SASH1: variants seen among roughly 807,000 people sequenced by gnomAD.
SASH1 encodes SAM and SH3 domain-containing protein 1.
A neutral mutation model predicts 125.2 loss-of-function variants in SASH1; 44 were observed. The ratio of observed to expected loss-of-function variants is 0.35; its 90% CI spans 0.28 to 0.45. SASH1 has a LOEUF of 0.45. Ranked by LOEUF, SASH1 falls within the 20% of genes least tolerant of loss-of-function variation. SASH1 has a pLI of 1.00. For synonymous variants in SASH1, 639 were observed against 649.1 expected, an observed-to-expected ratio of 0.98 and a Z score of 0.24; for missense variants, 1,426 against 1,614.5, an observed-to-expected ratio of 0.88 and a Z score of 2.00.
Position 148,544,678 on chromosome 6 carries a change from C to T in SASH1, c.3208C>T (p.Leu1070Phe), listed in dbSNP as rs201943651. ...WLSELPENTS[L>F]QEHGVKLGPA... ...CTCAGAGCTCCCCGAGAACACAAGC[C>T]TCCAGGAGCACGGTGTGAAGCTGGG... Residue 1070 changes from leucine (L) to phenylalanine (F), a missense_variant, in exon 18 of 20, where the codon CTC (leucine) becomes TTC (phenylalanine). Coordinates refer to ENST00000367467, the MANE Select transcript of SASH1 (RefSeq NM_015278.5). The surrounding 1 kb of genome is among the most constrained non-coding windows in gnomAD (Gnocchi z 6.4). 2.6e-4 allele frequency: 425 copies of T among 1,613,390 alleles called. 1 individual carries two copies. Among genetic ancestry groups the T allele is most frequent in the Admixed American group, 1.4e-3 (81 of 59,946 alleles).
the SASH1 span, among the ~76,000 whole-genome samples, chr6:148,244,908 G>GTGTGTGTGTGTGTGTGTGTGTA: frequency 7.3e-6 from 1 of 137,474 alleles, no homozygotes; most frequent in African/African-American, 2.8e-5. Context: ...TGGGGCATGT[G>GTGTGTGTGTGTGTGTGTGTGTA]TGTGTGTGTG....
chr6:148,537,484 A>G (rs2115426941), intron 16 of SASH1, among the ~76,000 whole-genome samples: 2 of 152,366 alleles, frequency 1.3e-5, no homozygotes, highest in South Asian at 4.1e-4. Context: ...AGTATAAACA[A>G]TAACTTGTAT....
chr6:148,358,644 A>G (rs1396505262), intron 1 of SASH1, among the ~76,000 whole-genome samples: 3 of 150,736 alleles, frequency 2.0e-5, no homozygotes, highest in African/African-American at 7.3e-5. Context: ...AGAAGTGATT[A>G]CCTTTATTGT....
At chr6:148,323,923 G>A (rs117116959) in intron 1 of SASH1, among the ~76,000 whole-genome samples, 11,745 of 151,856 alleles carry the variant, frequency 0.077, 698 homozygotes, top group East Asian at 0.31. Context: ...TCAGGAGATC[G>A]AGACTATGCT....
chr6:148,466,548 G>C (rs1195802838), intron 4 of SASH1, among the ~76,000 whole-genome samples: 4 of 152,194 alleles, frequency 2.6e-5, no homozygotes, highest in Non-Finnish European at 5.9e-5. Flanking sequence ...CACTTTAGGT[G>C]ATTAGGATAT....
intron 1 of SASH1, among the ~76,000 whole-genome samples, chr6:148,387,285 T>G (rs994038443): frequency 2.6e-5 from 4 of 151,574 alleles, no homozygotes; most frequent in African/African-American, 9.7e-5. Flanking sequence ...GCCCAGCTAA[T>G]TTTTTTGTAT....
chr6:148,194,529 C>T, the SASH1 span, among the ~76,000 whole-genome samples: 1 of 152,170 alleles, frequency 6.6e-6, no homozygotes, highest in Non-Finnish European at 1.5e-5. Context: ...GCAGTATGAC[C>T]TATACTACCA....
chr6:148,513,014 C>T (rs898943909), intron 8 of SASH1: 8 of 985,096 alleles, frequency 8.1e-6, no homozygotes, highest in East Asian at 2.3e-4. Context: ...TACTAATGTT[C>T]GTGCCATAGT....
the SASH1 span, among the ~76,000 whole-genome samples, chr6:148,249,652 T>C: frequency 6.6e-6 from 1 of 152,234 alleles, no homozygotes; most frequent in Non-Finnish European, 1.5e-5. Flanking sequence ...CTCCAGGTCA[T>C]GTCTGAGAAA....
the SASH1 span, among the ~76,000 whole-genome samples, chr6:148,235,225 G>A: frequency 5.9e-5 from 9 of 152,174 alleles, no homozygotes; most frequent in Non-Finnish European, 1.2e-4. Flanking sequence ...TGGTGGAGGT[G>A]GATGGGGGTT....
At chr6:148,463,218 C>T (rs1777694542) in intron 4 of SASH1, among the ~76,000 whole-genome samples, 1 of 151,676 alleles carries the variant, frequency 6.6e-6, no homozygotes, top group Non-Finnish European at 1.5e-5. Context: ...AATCTCGGCT[C>T]ACCGCAACCT....
At chr6:148,320,636 G>A (rs933984400) in intron 1 of SASH1, among the ~76,000 whole-genome samples, 3 of 152,218 alleles carry the variant, frequency 2.0e-5, no homozygotes, top group Non-Finnish European at 4.4e-5. Context: ...CCTACAAGGT[G>A]GAAAGTGTTT....
intron 8 of SASH1, among the ~76,000 whole-genome samples, chr6:148,490,097 T>A (rs116777429): frequency 0.051 from 7,725 of 151,286 alleles, 278 homozygotes; most frequent in African/African-American, 0.092. Context: ...TTTAACTTTT[T>A]CCTTTCCATC....
intron 2 of SASH1, among the ~76,000 whole-genome samples, chr6:148,402,706 C>A (rs1473106368): frequency 6.6e-6 from 1 of 151,966 alleles, no homozygotes; most frequent in African/African-American, 2.4e-5. Flanking sequence ...GCTCCGCCTC[C>A]CGGGTTCACA....
chr6:148,474,795 C>T (rs1303658066), intron 7 of SASH1, among the ~76,000 whole-genome samples: 1 of 152,124 alleles, frequency 6.6e-6, no homozygotes, highest in African/African-American at 2.4e-5. Flanking sequence ...TGGTCTCAAA[C>T]CCGTGGGCTC....
intron 8 of SASH1, among the ~76,000 whole-genome samples, chr6:148,512,175 C>T (rs1427933772): frequency 8.5e-5 from 13 of 152,060 alleles, no homozygotes; most frequent in African/African-American, 1.2e-4. Context: ...CCCGCCACCA[C>T]GCCCAGCTAA....
At chr6:148,397,590 A>G (rs1409302723) in intron 2 of SASH1, among the ~76,000 whole-genome samples, 1 of 152,208 alleles carries the variant, frequency 6.6e-6, no homozygotes, top group African/African-American at 2.4e-5. Context: ...GCAGCCCAGC[A>G]TGATAGAGAA....
At chr6:148,510,995 CAA>C (rs5880785) in intron 8 of SASH1, among the ~76,000 whole-genome samples, 36,089 of 115,528 alleles carry the variant, frequency 0.31, 4,684 homozygotes, top group Middle Eastern at 0.43. Flanking sequence ...GACTCCATCT[CAA>C]AAAAAAAAAA....
chr6:148,206,824 CACACACAA>C, the SASH1 span, among the ~76,000 whole-genome samples: 1 of 151,690 alleles, frequency 6.6e-6, no homozygotes, highest in Non-Finnish European at 1.5e-5. Context: ...CACACACACA[CACACACAA>C]ATTAACATAA....
Sources: gnomAD v4.1 joint callset for allele counts (sites outside exome capture counted in the v4.1 genomes callset) on GRCh38, gnomAD v4.1.1 for gene constraint, Gnocchi (gnomAD v3.1) non-coding constraint, MANE v1.5 for transcripts, NCBI Gene and HGNC (gene_info 2026-07-23, HGNC 2026-07-21) for gene names.